Variants in NKAIN2 observed in about 807,000 individuals in gnomAD.
The protein encoded by NKAIN2 is sodium/potassium transporting ATPase interacting 2.
NKAIN2 carries 14 observed loss-of-function variants against 32.6 expected under a neutral mutation model. The ratio of observed to expected loss-of-function variants is 0.43; its 90% confidence interval spans 0.28 to 0.67. The LOEUF (loss-of-function observed/expected upper bound fraction) is 0.67. NKAIN2 is among the 30% of genes least tolerant of loss of function. The pLI is 0.17. For missense variants in NKAIN2, 198 were observed against 258.3 expected (o/e 0.77, Z 1.60); for synonymous variants, 80 against 87.2 (o/e 0.92, Z 0.46).
intron 1 of NKAIN2, among the ~76,000 whole-genome samples, chr6:124,193,728 A>C (rs940246208): frequency 5.3e-5 from 8 of 152,134 alleles, no homozygotes; most frequent in Admixed American, 5.2e-4. Flanking sequence ...GAGGGTGCGC[A>C]AGGAGAAGAG....
At chr6:124,295,393 T>C (rs1268803803) in intron 2 of NKAIN2, among the ~76,000 whole-genome samples, 1 of 152,132 alleles carries the variant, frequency 6.6e-6, no homozygotes, top group East Asian at 1.9e-4. Flanking sequence ...CGTTGAGAGG[T>C]TTGTAGCATA....
At chr6:124,079,912 G>T (rs960285018) in intron 1 of NKAIN2, among the ~76,000 whole-genome samples, 4 of 152,010 alleles carry the variant, frequency 2.6e-5, no homozygotes, top group South Asian at 2.1e-4. Flanking sequence ...GGAAAGAAAG[G>T]GTGGGGTTGG....
At chr6:124,608,316 A>C (rs1050287899) in intron 3 of NKAIN2, among the ~76,000 whole-genome samples, 2 of 152,182 alleles carry the variant, frequency 1.3e-5, no homozygotes, top group Non-Finnish European at 2.9e-5. Context: ...CCATGTTATC[A>C]ATGCAGACCG....
At chr6:123,933,638 G>T (rs1776367036) in intron 1 of NKAIN2, among the ~76,000 whole-genome samples, 1 of 152,184 alleles carries the variant, frequency 6.6e-6, no homozygotes, top group African/African-American at 2.4e-5. Context: ...ATATGACAAG[G>T]TTCTTTGGTC....
At chr6:124,607,722 T>C (rs1457692696) in intron 3 of NKAIN2, among the ~76,000 whole-genome samples, 1 of 152,080 alleles carries the variant, frequency 6.6e-6, no homozygotes, top group Admixed American at 6.6e-5. Context: ...ATATATAAAC[T>C]GTTCACAACT....
intron 3 of NKAIN2, among the ~76,000 whole-genome samples, chr6:124,393,976 A>G (rs1449971593): frequency 1.3e-5 from 2 of 152,160 alleles, no homozygotes; most frequent in African/African-American, 2.4e-5. Flanking sequence ...GGCAGCAAAG[A>G]AAGAGTTGAA....
At chr6:123,862,086 C>T (rs1047794324) in intron 1 of NKAIN2, among the ~76,000 whole-genome samples, 1 of 152,140 alleles carries the variant, frequency 6.6e-6, no homozygotes, top group African/African-American at 2.4e-5. Context: ...AATCTAGATT[C>T]CAGCTTTGTC....
At chr6:124,762,543 A>G (rs895267872) in intron 4 of NKAIN2, among the ~76,000 whole-genome samples, 2 of 152,230 alleles carry the variant, frequency 1.3e-5, no homozygotes, top group Admixed American at 6.5e-5. Flanking sequence ...GTTATGAAAA[A>G]TGTGATAAAC....
At chr6:123,807,250 GT>G (rs1005762100) in intron 1 of NKAIN2, among the ~76,000 whole-genome samples, 1 of 151,974 alleles carries the variant, frequency 6.6e-6, no homozygotes, top group Non-Finnish European at 1.5e-5. Context: ...ATGAAAAACT[GT>G]TTCCATATAT....
chr6:124,442,910 C>G (rs1312350034), intron 3 of NKAIN2, among the ~76,000 whole-genome samples: 1 of 152,130 alleles, frequency 6.6e-6, no homozygotes, highest in African/African-American at 2.4e-5. Flanking sequence ...TCCCAAGGAG[C>G]AGGGCCACTT....
chr6:124,694,256 G>A (rs1774389365), intron 4 of NKAIN2, among the ~76,000 whole-genome samples: 1 of 152,172 alleles, frequency 6.6e-6, no homozygotes, highest in South Asian at 2.1e-4. Flanking sequence ...CACATATGGT[G>A]AGTAGGAATA....
chr6:124,612,590 C>T (rs1782733983), intron 3 of NKAIN2, among the ~76,000 whole-genome samples: 1 of 152,132 alleles, frequency 6.6e-6, no homozygotes, highest in Non-Finnish European at 1.5e-5. Flanking sequence ...ACTTCAGTTT[C>T]CACAATGTAC....
At chr6:124,349,812 C>T (rs868691053) in intron 2 of NKAIN2, among the ~76,000 whole-genome samples, 55 of 152,308 alleles carry the variant, frequency 3.6e-4, no homozygotes, top group African/African-American at 1.3e-3. Flanking sequence ...TTGATTTCAT[C>T]ATTGGAGCCA....
chr6:124,364,461 A>T (rs1377591221), intron 3 of NKAIN2, among the ~76,000 whole-genome samples: 1 of 152,088 alleles, frequency 6.6e-6, no homozygotes, highest in Non-Finnish European at 1.5e-5. Context: ...AGATTTAGGT[A>T]TAGATGAACA....
intron 3 of NKAIN2, among the ~76,000 whole-genome samples, chr6:124,566,356 T>C (rs1163091715): frequency 6.6e-6 from 1 of 152,160 alleles, no homozygotes; most frequent in Non-Finnish European, 1.5e-5. Context: ...TGTTTGTATC[T>C]CTGTCTCTCT....
intron 1 of NKAIN2, among the ~76,000 whole-genome samples, chr6:124,130,248 G>C (rs1463925684): frequency 2.0e-5 from 3 of 152,174 alleles, no homozygotes; most frequent in African/African-American, 7.2e-5. Flanking sequence ...AAGCACCAGA[G>C]ATCTGCTCCA....
chr6:124,760,698 G>T (rs1341638208), intron 4 of NKAIN2, among the ~76,000 whole-genome samples: 2 of 151,912 alleles, frequency 1.3e-5, no homozygotes, highest in Non-Finnish European at 2.9e-5. Context: ...TAAATATTAG[G>T]ATAAGTTCAT....
At chr6:124,531,432 A>G (rs544151530) in intron 3 of NKAIN2, among the ~76,000 whole-genome samples, 1 of 152,132 alleles carries the variant, frequency 6.6e-6, no homozygotes, top group African/African-American at 2.4e-5. Context: ...TTAATGTACT[A>G]TTTAATTCAG....
At chr6:124,796,300 T>C (rs1240997157) in intron 5 of NKAIN2, among the ~76,000 whole-genome samples, 1 of 152,176 alleles carries the variant, frequency 6.6e-6, no homozygotes, top group East Asian at 1.9e-4. Flanking sequence ...GCACTTTCTG[T>C]TGGATTAGGG....
Sources: gnomAD v4.1 joint callset for allele counts (sites outside exome capture counted in the v4.1 genomes callset) on GRCh38, gnomAD v4.1.1 for gene constraint, MANE v1.5 for transcripts, NCBI Gene and HGNC (gene_info 2026-07-23, HGNC 2026-07-21) for gene names.